ARHGEF38: variants seen among roughly 807,000 people sequenced by gnomAD.
The protein encoded by ARHGEF38 is Rho guanine nucleotide exchange factor (GEF) 38.
A neutral mutation model predicts 79.9 loss-of-function variants in ARHGEF38; 79 were observed. That is an observed-to-expected ratio of 0.99 (90% CI 0.82 to 1.19). ARHGEF38 has a LOEUF of 1.19. Among genes scored for constraint, ARHGEF38 ranks in the 50% most tolerant of loss-of-function variants. The probability of loss-of-function intolerance (pLI) is 0.00; values close to 1 mark genes in which losing one functional copy is unlikely to be tolerated. For missense variants in ARHGEF38, 962 were observed against 907.2 expected (o/e 1.06, Z -0.78); for synonymous variants, 366 against 328.3 (o/e 1.11, Z -1.24).
At chr4:105,671,911 A>C (rs1349881383) in intron 13 of ARHGEF38, among the ~76,000 whole-genome samples, 3 of 152,124 alleles carry the variant, frequency 2.0e-5, no homozygotes, top group Non-Finnish European at 2.9e-5. Flanking sequence ...TTTCTTCCAG[A>C]ATTGCTATAG....
At chr4:105,576,428 C>T (rs1726505162) in intron 1 of ARHGEF38, among the ~76,000 whole-genome samples, 1 of 146,698 alleles carries the variant, frequency 6.8e-6, no homozygotes, top group African/African-American at 2.5e-5. Context: ...TTTTTTGCAG[C>T]CATTGTAAAA....
chr4:105,587,857 G>GGA (rs1727131877), intron 1 of ARHGEF38, among the ~76,000 whole-genome samples: 1 of 152,208 alleles, frequency 6.6e-6, no homozygotes, highest in South Asian at 2.1e-4. Context: ...TCCTGATGAA[G>GGA]GAGGGATTGG....
chr4:105,663,966 G>A (rs372838831), intron 10 of ARHGEF38, among the ~76,000 whole-genome samples: 291 of 124,448 alleles, frequency 2.3e-3, no homozygotes, highest in African/African-American at 7.3e-3. Context: ...GTGAAACTCC[G>A]TCTCAAAAAA....
intron 1 of ARHGEF38, among the ~76,000 whole-genome samples, chr4:105,575,668 T>C (rs1456535071): frequency 6.6e-6 from 1 of 152,180 alleles, no homozygotes; most frequent in Non-Finnish European, 1.5e-5. Context: ...GTCTCATTTA[T>C]TTATTTTTGC....
intron 7 of ARHGEF38, among the ~76,000 whole-genome samples, chr4:105,649,296 G>T (rs1729990441): frequency 6.6e-6 from 1 of 152,124 alleles, no homozygotes; most frequent in South Asian, 2.1e-4. Context: ...ATAATAGATG[G>T]ATTAGCAAAG....
At chr4:105,637,832 T>C (rs577872829) in intron 5 of ARHGEF38, among the ~76,000 whole-genome samples, 97 of 152,276 alleles carry the variant, frequency 6.4e-4, no homozygotes, top group African/African-American at 2.2e-3. Context: ...CAGTTCATTG[T>C]ATTGAAACAC....
At chr4:105,645,068 T>C in intron 5 of ARHGEF38, 120 bp from the exon 6 acceptor site, 1 of 815,978 alleles carries the variant, frequency 1.2e-6, no homozygotes, top group Non-Finnish European at 1.7e-6. Context: ...TTAGAAATTT[T>C]AGATATACAA....
intron 4 of ARHGEF38, chr4:105,631,359 C>A: frequency 9.8e-7 from 1 of 1,019,032 alleles, no homozygotes; most frequent in Non-Finnish European, 1.2e-6. Context: ...CCTGGCCCCA[C>A]GTAGTTCAAG....
At chr4:105,655,864 GA>G in intron 9 of ARHGEF38, 142 bp downstream of exon 9, 1 of 976,630 alleles carries the variant, frequency 1.0e-6, no homozygotes, top group Non-Finnish European at 1.4e-6. Context: ...ATTTAAATGG[GA>G]TTTTTTTAAA....
Position 105,663,980 on chromosome 4 carries a change from A to C in ARHGEF38, c.1546-2197A>C, listed in dbSNP as rs577305826. Among the ~76,000 whole-genome samples the C allele has an allele frequency of 3.3e-5, 5 of 151,898 alleles. No homozygotes were observed. The South Asian group carries it at 1.0e-3, about 31-fold the overall frequency. The stretch of plus-strand genomic sequence containing the variant: ...AGTGAAACTCCGTCTCAAAAAAAAA[A>C]AAAACAAACAAAACAAAACAAAAAA... On this transcript the variant is annotated intron_variant, in intron 10 of 13. Coordinates refer to ENST00000420470, the MANE Select transcript of ARHGEF38 (RefSeq NM_001242729.2).
At position 105,637,403 on chromosome 4, in the gene ARHGEF38, G is replaced by GTCTTT. The variant is rs771746629; in HGVS notation, c.674+996_674+1000dup. Among the ~76,000 whole-genome samples the GTCTTT allele has an allele frequency of 8.5e-5, 13 of 152,168 alleles. No homozygotes were observed. The East Asian group carries it at 1.7e-3, about 20-fold the overall frequency. Reference sequence around the variant, plus strand: ...GGCAACCAGTTCTCTCACTTTATCAGTCTTTTCTTTTCTTTTCCTTTCTTT... The same window carrying GTCTTT: ...GGCAACCAGTTCTCTCACTTTATCAGTCTTTTCTTTTCTTTTCTTTTCCTTTCTTT... On this transcript the variant is annotated intron_variant, in intron 5 of 13. Coordinates refer to ENST00000420470, the MANE Select transcript of ARHGEF38 (RefSeq NM_001242729.2).
intron 1 of ARHGEF38, among the ~76,000 whole-genome samples, chr4:105,568,230 T>C (rs1014952506): frequency 6.6e-6 from 1 of 151,828 alleles, no homozygotes; most frequent in Non-Finnish European, 1.5e-5. Context: ...CCAAAAAACA[T>C]ATGAAAAAAT....
chr4:105,590,070 AGAAAGAAG>A (rs1268191373), intron 2 of ARHGEF38, among the ~76,000 whole-genome samples: 9 of 122,264 alleles, frequency 7.4e-5, no homozygotes, highest in Non-Finnish European at 1.0e-4. Context: ...AGAAAAAGAA[AGAAAGAAG>A]GAAGGAAGGA....
At chr4:105,668,757 T>G (rs1222838236) in intron 13 of ARHGEF38, among the ~76,000 whole-genome samples, 1 of 152,136 alleles carries the variant, frequency 6.6e-6, no homozygotes, top group African/African-American at 2.4e-5. Flanking sequence ...CATACGTAAC[T>G]TAAAAGTAAG....
chr4:105,572,241 C>A (rs1444466207), intron 1 of ARHGEF38, among the ~76,000 whole-genome samples: 1 of 151,888 alleles, frequency 6.6e-6, no homozygotes, highest in Non-Finnish European at 1.5e-5. Context: ...TGAAACTCTT[C>A]TTTTTTTTCC....
At position 105,613,475 on chromosome 4, in the gene ARHGEF38, C is replaced by T; in HGVS notation, c.476C>T (p.Thr159Ile). The T allele has an allele frequency of 6.2e-7, 1 of 1,613,178 alleles. No individual in the cohort carries two copies. Among genetic ancestry groups the T allele is most frequent in the Non-Finnish European group, 8.5e-7 (1 of 1,179,354 alleles). The change falls in exon 3 of 14, where the codon ACA becomes ATA. Residue 159 changes from threonine (T) to isoleucine (I), a missense_variant. Thr to Ile is a moderately conservative substitution (Grantham distance 89). Transcript: ENST00000420470. ...AKLLSLLEEATTDVEPAMQVI... is the reference protein window; with the variant it reads ...AKLLSLLEEAITDVEPAMQVI... ...CTGCTGTCATTGTTGGAAGAGGCCA[C>T]AACAGACGTGGAACCGGCCATGCAA...
At chr4:105,576,029 A>T (rs377169711) in intron 1 of ARHGEF38, among the ~76,000 whole-genome samples, 2 of 152,038 alleles carry the variant, frequency 1.3e-5, no homozygotes, top group African/African-American at 4.8e-5. Flanking sequence ...TGAAAGTACC[A>T]TGTTGTTTTG....
At chr4:105,572,779 A>G (rs915703583) in intron 1 of ARHGEF38, among the ~76,000 whole-genome samples, 2 of 152,144 alleles carry the variant, frequency 1.3e-5, no homozygotes, top group African/African-American at 4.8e-5. Flanking sequence ...TTGTTCATCT[A>G]TTTATCCATT....
intron 1 of ARHGEF38, among the ~76,000 whole-genome samples, chr4:105,567,091 A>G (rs917044758): frequency 1.3e-5 from 2 of 152,022 alleles, no homozygotes; most frequent in African/African-American, 4.8e-5. Flanking sequence ...AATTTTTAGC[A>G]CCCACAGATA....
Sources: allele counts gnomAD v4.1 joint callset (sites outside exome capture counted in the v4.1 genomes callset), GRCh38; gene constraint gnomAD v4.1.1; transcripts MANE v1.5; gene names NCBI Gene and HGNC (gene_info 2026-07-23, HGNC 2026-07-21).